The following PPARGC1B variants were observed in gnomAD, a reference collection of about 807,000 sequenced individuals.
The protein encoded by PPARGC1B is peroxisome proliferator-activated receptor gamma coactivator 1-beta.
In PPARGC1B, 34 loss-of-function variants were observed where a neutral mutation model predicts 101.6. The observed-to-expected ratio is 0.33, with a 90% CI of 0.25 to 0.45. The LOEUF (loss-of-function observed/expected upper bound fraction) is 0.45, where lower values mean the gene tolerates loss of function less well. Ranked by LOEUF, PPARGC1B falls within the 20% of genes least tolerant of loss-of-function variation. PPARGC1B has a pLI of 1.00. For synonymous variants in PPARGC1B, 548 were observed against 539.3 expected, an observed-to-expected ratio of 1.02 and a Z score of -0.22; for missense variants, 1,234 against 1,317.6, an observed-to-expected ratio of 0.94 and a Z score of 0.98.
At chr5:149,779,652 G>A (rs1172445705) in intron 1 of PPARGC1B, among the ~76,000 whole-genome samples, 4 of 152,158 alleles carry the variant, frequency 2.6e-5, no homozygotes, top group African/African-American at 9.7e-5. Flanking sequence ...GGGGCAACAG[G>A]GAAGCCTGTT....
chr5:149,792,748 T>C (rs1757066383), intron 1 of PPARGC1B, among the ~76,000 whole-genome samples: 1 of 152,140 alleles, frequency 6.6e-6, no homozygotes, highest in East Asian at 1.9e-4. Context: ...TATTCATTCA[T>C]TCATTCATTC....
At chr5:149,749,074 A>G (rs886453291) in intron 1 of PPARGC1B, among the ~76,000 whole-genome samples, 16 of 152,262 alleles carry the variant, frequency 1.1e-4, no homozygotes, top group African/African-American at 3.9e-4. Context: ...GCTGGGGTAC[A>G]GCTTCTCATA....
intron 1 of PPARGC1B, among the ~76,000 whole-genome samples, chr5:149,799,690 G>GGTTTT (rs1757361025): frequency 1.5e-5 from 1 of 65,052 alleles, no homozygotes; most frequent in Non-Finnish European, 3.0e-5. Context: ...TTTGCTTGTT[G>GGTTTT]TTGTTTTTTT....
At chr5:149,814,300 C>G (rs1224269005) in intron 1 of PPARGC1B, among the ~76,000 whole-genome samples, 1 of 152,214 alleles carries the variant, frequency 6.6e-6, no homozygotes, top group African/African-American at 2.4e-5. Context: ...ACTTTTCTCC[C>G]CTCTGGAAAG....
At chr5:149,856,771 CTTTT>C (rs562000427), downstream of PPARGC1B, among the ~76,000 whole-genome samples, 2 of 129,110 alleles carry the variant, frequency 1.5e-5, no homozygotes, top group African/African-American at 2.9e-5. Context: ...AGCTGCTTGG[CTTTT>C]TTTTTTTTTT....
intron 1 of PPARGC1B, among the ~76,000 whole-genome samples, chr5:149,777,500 T>A (rs1028071722): frequency 6.6e-6 from 1 of 152,118 alleles, no homozygotes; most frequent in Non-Finnish European, 1.5e-5. Flanking sequence ...GGAGGGGGCC[T>A]GCCTGGCTCT....
chr5:149,842,558 G>A (rs1347917685), intron 10 of PPARGC1B, among the ~76,000 whole-genome samples, 181 bp downstream of exon 10: 1 of 152,256 alleles, frequency 6.6e-6, no homozygotes, highest in East Asian at 1.9e-4. Context: ...AGTAATAGCA[G>A]CAAACACGTG....
chr5:149,747,301 C>T (rs1057494969), intron 1 of PPARGC1B, among the ~76,000 whole-genome samples: 4 of 152,210 alleles, frequency 2.6e-5, no homozygotes, highest in African/African-American at 4.8e-5. Flanking sequence ...AGTCCAACTT[C>T]ATTCCTTCGC....
rs529145074 is a variant in PPARGC1B at position 149,737,821 on chromosome 5, G to A, written c.78+7401G>A. On this transcript the variant is annotated intron_variant, in intron 1 of 11. Transcript: ENST00000309241. ...CCAGCCTGGCCAACATGATGAAACC[G>A]CGTCTCTACTAAAAATACAAAAATT... is the stretch of plus-strand genomic sequence containing the variant. Among the ~76,000 whole-genome samples the A allele has an allele frequency of 1.0e-3, 155 of 152,012 alleles. 1 individual carries two copies. Among genetic ancestry groups the A allele is most frequent in the African/African-American group, 3.3e-3 (138 of 41,450 alleles).
rs188224978 is a variant in PPARGC1B at position 149,769,159 on chromosome 5, G to C, written c.78+38739G>C. Among the ~76,000 whole-genome samples, 114 of 152,322 alleles carry C rather than the reference G, an allele frequency of 7.5e-4. No individual in the cohort carries two copies. In the East Asian group the frequency reaches 0.018, roughly 24 times the overall value. Reference sequence around the variant, plus strand: ...CTCTTGCATGTGCAGTTCACAATAGGGGTTGTGCTCCTATGAGAATCTAAT... The same window carrying C: ...CTCTTGCATGTGCAGTTCACAATAGCGGTTGTGCTCCTATGAGAATCTAAT... On this transcript the variant is annotated intron_variant, in intron 1 of 11. Coordinates refer to ENST00000309241, the MANE Select transcript of PPARGC1B (RefSeq NM_133263.4).
intron 1 of PPARGC1B, among the ~76,000 whole-genome samples, chr5:149,785,280 C>A (rs1003699184): frequency 8.5e-5 from 13 of 152,318 alleles, no homozygotes; most frequent in African/African-American, 2.9e-4. Flanking sequence ...AAGAGGCTAG[C>A]AGCATGGCCT....
In PPARGC1B at chr5:149,832,583, T is replaced by C; in HGVS notation, c.583-73T>C. On this transcript the variant is annotated intron_variant, in intron 4 of 11. Transcript: ENST00000309241. This position sits in a 1 kb window ranked among gnomAD's most constrained non-coding sequence, Gnocchi z 4.9. ...AGGTGAGACACAATGGGCCAGCCAG[T>C]GACCATGCGGATGAGACACATGGGA... The C allele has an allele frequency of 1.6e-6, 2 of 1,255,356 alleles. No homozygotes were observed. Among genetic ancestry groups the C allele is most frequent in the South Asian group, 1.6e-5 (1 of 60,892 alleles). The allele number at this position is 1,255,356 out of a possible 1,614,324, so 77.8% of individuals were successfully genotyped here. A position where few individuals can be genotyped will look rare whatever the true frequency, so the allele number is the denominator to read the frequency against.
chr5:149,761,771 A>G, intron 1 of PPARGC1B, among the ~76,000 whole-genome samples: 1 of 152,196 alleles, frequency 6.6e-6, no homozygotes, highest in Non-Finnish European at 1.5e-5. Flanking sequence ...AATGTAGAAA[A>G]GACTGTGACT....
intron 9 of PPARGC1B, among the ~76,000 whole-genome samples, chr5:149,840,469 C>A (rs2113432831): frequency 6.6e-6 from 1 of 152,188 alleles, no homozygotes; most frequent in Admixed American, 6.5e-5. Context: ...TACAAGTCAG[C>A]CCTGCCACCA....
intron 1 of PPARGC1B, among the ~76,000 whole-genome samples, chr5:149,756,270 T>A (rs1561854979): frequency 1.3e-5 from 2 of 152,130 alleles, no homozygotes; most frequent in Non-Finnish European, 2.9e-5. Flanking sequence ...GAGACCAGCC[T>A]GGCCAACATG....
chr5:149,803,955 C>T (rs1757513548), intron 1 of PPARGC1B, among the ~76,000 whole-genome samples: 2 of 152,206 alleles, frequency 1.3e-5, no homozygotes, highest in South Asian at 2.1e-4. Flanking sequence ...CCTCACTGAC[C>T]ACATGACCAA....
At position 149,807,002 on chromosome 5, in the gene PPARGC1B, G is replaced by C. The variant is rs1353434151; in HGVS notation, c.79-13431G>C. On this transcript the variant is annotated intron_variant, in intron 1 of 11. Coordinates refer to ENST00000309241, the MANE Select transcript of PPARGC1B (RefSeq NM_133263.4). ...GACAGGGTCTTGCTCTGTCATCTAG[G>C]CTAGAGTAGTGCAGTGGTACCATCA... Among the ~76,000 whole-genome samples the C allele has an allele frequency of 4.6e-5, 7 of 151,002 alleles. No homozygotes were observed. In the South Asian group the frequency reaches 1.5e-3, roughly 32 times the overall value.
chr5:149,842,209 G>C, intron 9 of PPARGC1B, 47 bp from the exon 10 acceptor site: 1 of 1,599,946 alleles, frequency 6.3e-7, no homozygotes, highest in South Asian at 1.1e-5. Context: ...GGGGCCCCAG[G>C]AAGCCAGGCA....
At chr5:149,762,294 G>A (rs375272760) in intron 1 of PPARGC1B, among the ~76,000 whole-genome samples, 20 of 151,872 alleles carry the variant, frequency 1.3e-4, no homozygotes, top group African/African-American at 4.4e-4. Context: ...GATTACAGGC[G>A]CCACCATGCC....
Sources: gnomAD v4.1 joint callset for allele counts (sites outside exome capture counted in the v4.1 genomes callset) on GRCh38, gnomAD v4.1.1 for gene constraint, Gnocchi (gnomAD v3.1) non-coding constraint, MANE v1.5 for transcripts, NCBI Gene and HGNC (gene_info 2026-07-23, HGNC 2026-07-21) for gene names.